PPM1B: variants seen among roughly 807,000 people sequenced by gnomAD.
The protein encoded by PPM1B is protein phosphatase, Mg2+/Mn2+ dependent 1B, also known as protein phosphatase 1B.
Under a neutral mutation model 43.0 loss-of-function variants are expected in PPM1B, and 22 were observed. The observed-to-expected ratio is 0.51, with a 90% CI of 0.37 to 0.73. The LOEUF (loss-of-function observed/expected upper bound fraction) is 0.73. Among genes scored for constraint, PPM1B ranks in the 30% least tolerant of loss-of-function variants. The pLI is 0.00. For missense variants in PPM1B, 632 were observed against 584.2 expected, an observed-to-expected ratio of 1.08 and a Z score of -0.84; for synonymous variants, 217 against 197.9, an observed-to-expected ratio of 1.10 and a Z score of -0.81.
At chr2:44,224,590 ACT>A (rs1670130910) in intron 5 of PPM1B, among the ~76,000 whole-genome samples, 2 of 151,210 alleles carry the variant, frequency 1.3e-5, no homozygotes, top group East Asian at 3.9e-4. Context: ...TCCTATTACT[ACT>A]CTCTGCTTGA....
chr2:44,226,971 T>TATTC, intron 5 of PPM1B, among the ~76,000 whole-genome samples: 1 of 142,616 alleles, frequency 7.0e-6, no homozygotes, highest in South Asian at 2.2e-4. Context: ...TTTATTTATT[T>TATTC]ATGAATGAAT....
intron 3 of PPM1B, among the ~76,000 whole-genome samples, chr2:44,215,418 A>G (rs59912923): frequency 0.037 from 5,664 of 152,144 alleles, 328 homozygotes; most frequent in African/African-American, 0.13. Context: ...TGATGGCACC[A>G]CTGCACTCCA....
rs1669498666 is a variant in PPM1B, at chr2:44,212,092, A to G, written c.964+2765A>G. Among the ~76,000 whole-genome samples, 3 of 152,290 alleles carry G rather than the reference A, an allele frequency of 2.0e-5. No homozygotes were observed. The South Asian group carries it at 6.2e-4, about 32-fold the overall frequency. On this transcript the variant is annotated intron_variant, in intron 3 of 5. Coordinates refer to ENST00000282412, the MANE Select transcript of PPM1B (RefSeq NM_002706.6). ...TGTATTAGCATTTTACTGCAAGGAA[A>G]AATGTTCTTTTCTGCCTGTTTGTTT...
At chr2:44,170,985 C>G (rs1314330753) in intron 1 of PPM1B, among the ~76,000 whole-genome samples, 1 of 151,964 alleles carries the variant, frequency 6.6e-6, no homozygotes, top group African/African-American at 2.4e-5. Context: ...GTTTTCGCCT[C>G]TTCATTTGTT....
intron 5 of PPM1B, among the ~76,000 whole-genome samples, chr2:44,241,089 C>A (rs1348199195): frequency 7.0e-6 from 1 of 143,354 alleles, no homozygotes; most frequent in African/African-American, 2.5e-5. Context: ...CTGCAACTTC[C>A]GCCTCCCGGG....
chr2:44,227,381 A>T (rs913939874), intron 5 of PPM1B, among the ~76,000 whole-genome samples: 2 of 152,184 alleles, frequency 1.3e-5, no homozygotes, highest in Non-Finnish European at 1.5e-5. Flanking sequence ...CAAAGAAAAT[A>T]AAGTATCTAG....
intron 3 of PPM1B, among the ~76,000 whole-genome samples, chr2:44,212,305 C>T (rs1669508908): frequency 1.3e-5 from 2 of 152,138 alleles, no homozygotes; most frequent in Non-Finnish European, 2.9e-5. Context: ...GAAACCTGTC[C>T]TCTACTGTCA....
intron 5 of PPM1B, chr2:44,219,084 A>G (rs111524219): frequency 2.0e-3 from 424 of 215,232 alleles, no homozygotes; most frequent in African/African-American, 7.7e-3. Context: ...TCAGAGCAAG[A>G]CTCTATGCCC....
intron 2 of PPM1B, 37 bp downstream of exon 2, chr2:44,202,082 A>G: frequency 6.8e-7 from 1 of 1,474,966 alleles, no homozygotes; most frequent in Non-Finnish European, 9.0e-7. Flanking sequence ...TAACATGTTA[A>G]TTTTGAAAAG....
intron 3 of PPM1B, among the ~76,000 whole-genome samples, chr2:44,216,336 C>G (rs1272702524): frequency 6.6e-6 from 1 of 151,996 alleles, no homozygotes; most frequent in Non-Finnish European, 1.5e-5. Context: ...CTTAATATTC[C>G]ACAGCACACA....
intron 2 of PPM1B, among the ~76,000 whole-genome samples, chr2:44,202,524 T>C (rs939752628): frequency 6.6e-6 from 1 of 152,292 alleles, no homozygotes; most frequent in African/African-American, 2.4e-5. Flanking sequence ...AATAAAAATA[T>C]GGGTTGTATA....
chr2:44,238,377 A>C (rs140949976), downstream of PPM1B, among the ~76,000 whole-genome samples: 543 of 152,240 alleles, frequency 3.6e-3, 3 homozygotes, highest in African/African-American at 0.012. Context: ...TTGGTATAGC[A>C]CTTTGGTTCT....
intron 5 of PPM1B, among the ~76,000 whole-genome samples, chr2:44,223,243 T>A (rs1670054367): frequency 6.6e-6 from 1 of 152,158 alleles, no homozygotes; most frequent in South Asian, 2.1e-4. Context: ...TTTATCTTAA[T>A]CCAAAAACGG....
chr2:44,212,156 G>T (rs1202629616), intron 3 of PPM1B, among the ~76,000 whole-genome samples: 1 of 152,180 alleles, frequency 6.6e-6, no homozygotes, highest in Non-Finnish European at 1.5e-5. Flanking sequence ...TCTATTCATT[G>T]TATTATCAAC....
chr2:44,209,431 CA>C (rs61189208), intron 3 of PPM1B, 104 bp downstream of exon 3: 71,130 of 839,818 alleles, frequency 0.085, no homozygotes, highest in South Asian at 0.12. Context: ...GGCTCTGTCT[CA>C]AAAAAAAAAA....
At chr2:44,183,999 A>G (rs1422782055) in intron 1 of PPM1B, among the ~76,000 whole-genome samples, 2 of 152,112 alleles carry the variant, frequency 1.3e-5, no homozygotes, top group African/African-American at 2.4e-5. Flanking sequence ...CGGCCTCCCA[A>G]AGTGCTGGGA....
intron 5 of PPM1B, among the ~76,000 whole-genome samples, chr2:44,224,324 G>A (rs936991208): frequency 9.2e-5 from 14 of 151,778 alleles, no homozygotes; most frequent in Non-Finnish European, 1.5e-4. Context: ...GCGTGGTGGC[G>A]GGCGCCTGTA....
rs984686906 is a variant in PPM1B at position 44,230,451 on chromosome 2, A to G, written c.1173A>G (p.Lys391=). The change falls in exon 6 of 6, where the codon AAA becomes AAG. Residue 391 remains lysine (K), a synonymous_variant. Coordinates refer to ENST00000282412, the MANE Select transcript of PPM1B (RefSeq NM_002706.6). ...CAGAGGAAAGTGGATCACAGGGAAA[A>G]TTGGTGGAAGCTCTCAGGCAAATGA... ...DEAEESGSQG[K]LVEALRQMRI... 1.9e-6 allele frequency: 3 copies of G among 1,614,202 alleles called. No individual in the cohort carries two copies. Among genetic ancestry groups the G allele is most frequent in the Admixed American group, 3.3e-5 (2 of 60,020 alleles).
At chr2:44,174,882 G>T (rs1256803944) in intron 1 of PPM1B, among the ~76,000 whole-genome samples, 1 of 152,150 alleles carries the variant, frequency 6.6e-6, no homozygotes, top group Non-Finnish European at 1.5e-5. Flanking sequence ...CCTTTTCCTT[G>T]TTCTGACTAA....
Sources: allele counts gnomAD v4.1 joint callset (sites outside exome capture counted in the v4.1 genomes callset), GRCh38; gene constraint gnomAD v4.1.1; transcripts MANE v1.5; gene names NCBI Gene and HGNC (gene_info 2026-07-23, HGNC 2026-07-21).